Variants in HVCN1 observed in about 807,000 individuals in gnomAD.
HVCN1 encodes the protein voltage-gated hydrogen channel 1.
A neutral mutation model predicts 29.2 loss-of-function variants in HVCN1; 14 were observed. The ratio of observed to expected loss-of-function variants is 0.48; its 90% confidence interval spans 0.32 to 0.75. The LOEUF (loss-of-function observed/expected upper bound fraction) is 0.75, where lower values mean the gene tolerates loss of function less well. Ranked by LOEUF, HVCN1 falls within the 30% of genes least tolerant of loss-of-function variation. HVCN1 has a pLI of 0.04. For missense variants in HVCN1, 263 were observed against 341.8 expected, an observed-to-expected ratio of 0.77 and a Z score of 1.82; for synonymous variants, 131 against 133.2, an observed-to-expected ratio of 0.98 and a Z score of 0.11.
intron 5 of HVCN1, among the ~76,000 whole-genome samples, chr12:110,653,767 A>G (rs1479206333): frequency 6.6e-6 from 1 of 151,898 alleles, no homozygotes; most frequent in Non-Finnish European, 1.5e-5. Flanking sequence ...GCTTGAACTC[A>G]GGAGGCGGAC....
At chr12:110,675,783 C>T (rs906128285) in intron 3 of HVCN1, among the ~76,000 whole-genome samples, 11 of 151,840 alleles carry the variant, frequency 7.2e-5, no homozygotes, top group African/African-American at 2.7e-4. Flanking sequence ...GTGGTGCATG[C>T]CTATAATCCC....
upstream of HVCN1, chr12:110,689,321 C>G (rs897694868): frequency 6.6e-6 from 1 of 152,596 alleles, no homozygotes; most frequent in African/African-American, 2.4e-5. This position sits in a 1 kb window ranked among gnomAD's most constrained non-coding sequence, Gnocchi z 5.7. Context: ...CCTCCCTCAC[C>G]CCGGCTGCCT....
chr12:110,686,262 C>T (rs1298845942), intron 2 of HVCN1, among the ~76,000 whole-genome samples: 1 of 152,166 alleles, frequency 6.6e-6, no homozygotes, highest in African/African-American at 2.4e-5. Context: ...CCTCAGCCTC[C>T]TAAAGTGCTG....
chr12:110,670,771 C>A (rs182414224), intron 3 of HVCN1, among the ~76,000 whole-genome samples: 32 of 152,178 alleles, frequency 2.1e-4, no homozygotes, highest in Admixed American at 1.7e-3. Context: ...CAATTCCTGT[C>A]CCCCTGGACC....
Position 110,649,488 on chromosome 12 carries a change from CA to C in HVCN1, c.757-14del, listed in dbSNP as rs529752221. 3.8e-3 allele frequency: 5,999 copies of C among 1,589,254 alleles called. 14 individuals are homozygous for C. The highest frequency in any genetic ancestry group is 4.5e-3 in the Non-Finnish European group (5,237 of 1,162,362). ...CAATTTCTTGTTCCTATTGCAAAAG[CA>C]GACAAACACTGGAATTTACTTTGAG... is the stretch of plus-strand genomic sequence containing the variant. On this transcript the variant is annotated splice_polypyrimidine_tract_variant and intron_variant, in intron 7 of 7. Coordinates refer to ENST00000242607, the MANE Select transcript of HVCN1 (RefSeq NM_032369.4).
chr12:110,661,327 TC>T lies in HVCN1; in HGVS notation c.142del (p.Glu48LysfsTer45), dbSNP rs2068162631. ...CTGCTCCTCCTCCTCCTCCTCCTCT[TC>T]ATTCTCCCATTTCTTGTAGTTGATG... Reference protein sequence around the residue: ...WNINYKKWENEEEEEEEEQPP... With the variant: ...WNINYKKWENXEEEEEEEQPP... On this transcript the variant is annotated frameshift_variant, in exon 4 of 8. Coordinates refer to ENST00000242607, the MANE Select transcript of HVCN1 (RefSeq NM_032369.4). LOFTEE classifies it high-confidence loss of function. The surrounding 1 kb of genome is among the most constrained non-coding windows in gnomAD (Gnocchi z 6.2). 8 of 1,614,206 alleles carry T rather than the reference TC, an allele frequency of 5.0e-6. No individual in the cohort carries two copies. The highest frequency in any genetic ancestry group is 6.8e-6 in the Non-Finnish European group (8 of 1,180,024).
intron 4 of HVCN1, among the ~76,000 whole-genome samples, chr12:110,659,764 G>A (rs928800796): frequency 6.6e-6 from 1 of 151,692 alleles, no homozygotes; most frequent in African/African-American, 2.4e-5. Flanking sequence ...TAAAAAAAAA[G>A]CCCTTCTAAA....
intron 2 of HVCN1, among the ~76,000 whole-genome samples, chr12:110,700,608 T>G (rs78510382): frequency 6.6e-6 from 1 of 152,304 alleles, no homozygotes; most frequent in Middle Eastern, 3.4e-3. Flanking sequence ...TCTCTTTTTT[T>G]GTTTGACAGG....
intron 3 of HVCN1, among the ~76,000 whole-genome samples, chr12:110,668,293 A>G (rs748406252): frequency 3.3e-5 from 5 of 152,110 alleles, no homozygotes; most frequent in African/African-American, 4.8e-5. Flanking sequence ...CTTCAGGTCA[A>G]GAGTTTGAGA....
intron 3 of HVCN1, among the ~76,000 whole-genome samples, chr12:110,671,998 A>T (rs1384718605): frequency 6.6e-6 from 1 of 152,166 alleles, no homozygotes; most frequent in African/African-American, 2.4e-5. Context: ...GCTGTTGGGC[A>T]TGTAAATGGG....
At chr12:110,703,250 G>C (rs1450737594) in intron 1 of HVCN1, among the ~76,000 whole-genome samples, 1 of 149,730 alleles carries the variant, frequency 6.7e-6, no homozygotes, top group Non-Finnish European at 1.5e-5. Context: ...AGCTGGATGT[G>C]CTCTGGTGCA....
intron 2 of HVCN1, among the ~76,000 whole-genome samples, chr12:110,695,636 A>G (rs950250932): frequency 6.6e-6 from 1 of 152,232 alleles, no homozygotes; most frequent in East Asian, 1.9e-4. Context: ...ATGCAGATCC[A>G]CTGAGGCAGG....
chr12:110,685,063 A>T (rs1290959490), intron 2 of HVCN1, among the ~76,000 whole-genome samples: 3 of 152,192 alleles, frequency 2.0e-5, no homozygotes, highest in African/African-American at 7.2e-5. Flanking sequence ...TTGAACTTGT[A>T]TATTACTTTA....
intron 3 of HVCN1, among the ~76,000 whole-genome samples, chr12:110,667,285 C>G: frequency 6.6e-6 from 1 of 152,200 alleles, no homozygotes; most frequent in East Asian, 1.9e-4. Context: ...CAGGCGCTGC[C>G]AACACACCTG....
At chr12:110,660,938 G>A (rs2068146773) in intron 4 of HVCN1, among the ~76,000 whole-genome samples, 1 of 152,192 alleles carries the variant, frequency 6.6e-6, no homozygotes, top group African/African-American at 2.4e-5. Flanking sequence ...TCATCCATTG[G>A]TGGACCTTTT....
intron 3 of HVCN1, among the ~76,000 whole-genome samples, chr12:110,677,271 T>C (rs552207036): frequency 6.6e-6 from 1 of 151,934 alleles, no homozygotes; most frequent in Admixed American, 6.5e-5. Context: ...CTATCTAGCC[T>C]CTGTCTGCCC....
intron 2 of HVCN1, among the ~76,000 whole-genome samples, chr12:110,699,548 T>C (rs933960533): frequency 1.3e-5 from 2 of 151,934 alleles, no homozygotes; most frequent in Non-Finnish European, 2.9e-5. Flanking sequence ...GTCCAGGAGC[T>C]GAGGGAGAGA....
intron 2 of HVCN1, among the ~76,000 whole-genome samples, chr12:110,684,598 C>CT (rs1367897317): frequency 6.6e-6 from 1 of 151,878 alleles, no homozygotes; most frequent in African/African-American, 2.4e-5. Flanking sequence ...AATACAGATG[C>CT]TTTTTTTTGG....
intron 3 of HVCN1, among the ~76,000 whole-genome samples, chr12:110,669,263 C>A (rs139468950): frequency 2.6e-5 from 4 of 152,092 alleles, no homozygotes; most frequent in Non-Finnish European, 5.9e-5. Context: ...ACTTCCTGAA[C>A]CTGGCTGGCA....
Sources: allele counts gnomAD v4.1 joint callset (sites outside exome capture counted in the v4.1 genomes callset), GRCh38; gene constraint gnomAD v4.1.1; non-coding constraint Gnocchi (gnomAD v3.1); transcripts MANE v1.5; gene names NCBI Gene and HGNC (gene_info 2026-07-23, HGNC 2026-07-21).